MYO18A: variants seen among roughly 807,000 people sequenced by gnomAD.
MYO18A encodes unconventional myosin-XVIIIa.
A neutral mutation model predicts 235.8 loss-of-function variants in MYO18A; 78 were observed. The observed-to-expected ratio is 0.33, with a 90% CI of 0.28 to 0.40. The LOEUF (loss-of-function observed/expected upper bound fraction) is 0.40. Among genes scored for constraint, MYO18A ranks in the 10% least tolerant of loss-of-function variants. The pLI, the probability that MYO18A is intolerant of heterozygous loss-of-function variation, is 1.00. For synonymous variants in MYO18A, 977 were observed against 1,077.8 expected (o/e 0.91, Z 1.83); for missense variants, 2,215 against 2,699.3 (o/e 0.82, Z 3.98).
chr17:29,160,709 GC>G (rs1386727074), intron 2 of MYO18A, among the ~76,000 whole-genome samples: 1 of 152,164 alleles, frequency 6.6e-6, no homozygotes, highest in African/African-American at 2.4e-5. Context: ...ACCCACCTGA[GC>G]GTGGAGGTGG....
chr17:29,125,300 C>T lies in MYO18A; in HGVS notation c.1000-3047G>A, dbSNP rs956837052. Among the ~76,000 whole-genome samples, 12 of 152,182 alleles carry T rather than the reference C, an allele frequency of 7.9e-5. No individual in the cohort carries two copies. In the East Asian group the frequency reaches 1.3e-3, roughly 17 times the overall value. On this transcript the variant is annotated intron_variant, in intron 2 of 41. Coordinates refer to ENST00000527372, the MANE Select transcript of MYO18A (RefSeq NM_078471.4). This position sits in a 1 kb window ranked among gnomAD's most constrained non-coding sequence, Gnocchi z 5.1. ...CAGTCTAGAATCTCTTCCTCAACCC[C>T]GACGTACCCTATAGCACTCCCACCT... is the stretch of plus-strand genomic sequence containing the variant.
chr17:29,085,602 A>G lies in MYO18A; in HGVS notation c.5897+2T>C. ...AGAGAGCACATGCGCTCCAGTCCTCACAGTTTATTCTTTCTTTTCTGATAC... is the reference window on the plus strand; with the variant it reads ...AGAGAGCACATGCGCTCCAGTCCTCGCAGTTTATTCTTTCTTTTCTGATAC... On this transcript the variant is annotated splice_donor_variant, in intron 40 of 41. Coordinates refer to ENST00000527372, the MANE Select transcript of MYO18A (RefSeq NM_078471.4). LOFTEE classifies it high-confidence loss of function. 6.2e-7 allele frequency: 1 copy of G among 1,613,908 alleles called. No homozygotes were observed. Among genetic ancestry groups the G allele is most frequent in the South Asian group, 1.1e-5 (1 of 91,074 alleles).
chr17:29,093,531 G>T, intron 31 of MYO18A, 104 bp from the exon 32 acceptor site: 1 of 826,380 alleles, frequency 1.2e-6, no homozygotes, highest in Non-Finnish European at 2.0e-6. Context: ...AGTGGGGCAG[G>T]CCTGAGCACA....
intron 1 of MYO18A, among the ~76,000 whole-genome samples, chr17:29,176,997 C>T (rs1331974771): frequency 6.6e-6 from 1 of 152,222 alleles, no homozygotes; most frequent in Non-Finnish European, 1.5e-5. Context: ...TGCGGCCTCG[C>T]CAGGTTCCCT....
chr17:29,091,180 C>G (rs2066390420), intron 34 of MYO18A: 6 of 489,608 alleles, frequency 1.2e-5, no homozygotes, highest in Non-Finnish European at 2.2e-5. Flanking sequence ...CCTGGCAGCT[C>G]CTTTGAGGCT....
Position 29,094,681 on chromosome 17 carries a change from T to C in MYO18A, c.4679A>G (p.Glu1560Gly). The C allele has an allele frequency of 6.2e-7, 1 of 1,614,054 alleles. No individual in the cohort carries two copies. The highest frequency in any genetic ancestry group is 8.5e-7 in the Non-Finnish European group (1 of 1,179,900). The change falls in exon 30 of 42, where the codon GAG (glutamate) becomes GGG (glycine). Residue 1560 changes from glutamate (E) to glycine (G), a missense_variant. Coordinates refer to ENST00000527372, the MANE Select transcript of MYO18A (RefSeq NM_078471.4). ...KVKDQEEELDEQAGTIQMLEQ... is the reference protein window; with the variant it reads ...KVKDQEEELDGQAGTIQMLEQ... ...CAGCATCTGGATGGTCCCTGCCTGC[T>C]CATCCAGCTCTTCTTCCTGATCCTT...
rs1424683226 is a variant in MYO18A at position 29,166,837 on chromosome 17, C to A, written c.104G>T (p.Ser35Ile). ...KERMSAAELR[S>I]LEEMSLRRGF... ...ACGTCGCAGGCTCATCTCCTCCAGG[C>A]TCCGAAGCTCTGCCGCTGACATCCG... Residue 35 changes from serine to isoleucine, a missense_variant, in exon 2 of 42, where the codon AGC becomes ATC. By Grantham distance (142) the Ser-to-Ile change is moderately radical. Transcript: ENST00000527372. 6.3e-7 allele frequency: 1 copy of A among 1,583,450 alleles called. No homozygotes were observed. Among genetic ancestry groups the A allele is most frequent in the Admixed American group, 1.8e-5 (1 of 54,512 alleles).
chr17:29,103,681 C>CTG lies in MYO18A; in HGVS notation c.3442-19_3442-18dup. ...CTCCACTGCCTGTGGAGAGAGGCCT[C>CTG]TGTCAGGCAGCCCGCCTGGGCCTCC... On this transcript the variant is annotated splice_polypyrimidine_tract_variant and intron_variant, in intron 20 of 41. Coordinates refer to ENST00000527372, the MANE Select transcript of MYO18A (RefSeq NM_078471.4). 2 of 1,613,398 alleles carry CTG rather than the reference C, an allele frequency of 1.2e-6. No homozygotes were observed. Among genetic ancestry groups the CTG allele is most frequent in the Admixed American group, 1.7e-5 (1 of 60,030 alleles).
chr17:29,147,694 G>A (rs1412124593), intron 2 of MYO18A, among the ~76,000 whole-genome samples: 1 of 151,862 alleles, frequency 6.6e-6, no homozygotes, highest in Non-Finnish European at 1.5e-5. Context: ...TTCAGACCAG[G>A]AGTTCAAGAC....
At chr17:29,085,779 C>A in intron 39 of MYO18A, 131 bp from the exon 40 acceptor site, 2 of 878,708 alleles carry the variant, frequency 2.3e-6, no homozygotes, top group Non-Finnish European at 3.7e-6. Flanking sequence ...CTGGTTGAGA[C>A]CAGGTAGTGG....
chr17:29,122,474 C>T (rs1008208577), intron 2 of MYO18A, among the ~76,000 whole-genome samples: 12 of 152,194 alleles, frequency 7.9e-5, no homozygotes, highest in African/African-American at 2.7e-4. Context: ...GAGGACAGGA[C>T]ACAAAGGCTA....
At chr17:29,170,817 T>C (rs1158976744) in intron 1 of MYO18A, among the ~76,000 whole-genome samples, 3 of 152,192 alleles carry the variant, frequency 2.0e-5, no homozygotes, top group Non-Finnish European at 4.4e-5. Context: ...ACCTCAAATA[T>C]ACATCTATCT....
chr17:29,094,624 T>G (rs150916711), intron 30 of MYO18A, 26 bp downstream of exon 30: 655 of 1,613,038 alleles, frequency 4.1e-4, no homozygotes, highest in Non-Finnish European at 5.2e-4. Flanking sequence ...GCACCTCACC[T>G]CTCCCTTGGC....
chr17:29,118,017 C>T lies in MYO18A; in HGVS notation c.2038+28G>A. ...CTGTGAGGTCACCCAGGGGACAGGCCAGCCTACTGGGACCCACTGCAGGTT... is the reference window on the plus strand; with the variant it reads ...CTGTGAGGTCACCCAGGGGACAGGCTAGCCTACTGGGACCCACTGCAGGTT... On this transcript the variant is annotated intron_variant, in intron 10 of 41. Coordinates refer to ENST00000527372, the MANE Select transcript of MYO18A (RefSeq NM_078471.4). The surrounding 1 kb of genome is among the most constrained non-coding windows in gnomAD (Gnocchi z 4.2). 1 of 1,562,676 alleles carries T rather than the reference C, an allele frequency of 6.4e-7. No individual in the cohort carries two copies. Among genetic ancestry groups the T allele is most frequent in the South Asian group, 1.2e-5 (1 of 84,776 alleles).
chr17:29,107,247 A>C, intron 19 of MYO18A, 58 bp from the exon 20 acceptor site: 1 of 1,513,292 alleles, frequency 6.6e-7, no homozygotes, highest in Non-Finnish European at 9.2e-7. Context: ...AGCACACCCC[A>C]GTAGCCACTG....
rs549048829 is a variant in MYO18A at position 29,172,546 on chromosome 17, T to C, written c.-81-5525A>G. Among the ~76,000 whole-genome samples, 386 of 152,206 alleles carry C rather than the reference T, an allele frequency of 2.5e-3. 5 individuals carry two copies. Among genetic ancestry groups the C allele is most frequent in the Non-Finnish European group, 4.1e-3 (279 of 68,010 alleles). ...TCAGGCAAATCACTTAAGGCCTCCA[T>C]GCCTCCATTTCCCCATCTATAAAAA... On this transcript the variant is annotated intron_variant, in intron 1 of 41. Transcript: ENST00000527372.
Position 29,166,321 on chromosome 17 carries a change from A to G in MYO18A, c.620T>C (p.Leu207Pro). Reference sequence around the variant, plus strand: ...TGGGGGCAGGGGCACCACGGGGGGCAGGCGCAGGTCGACTGGGAACTTTTT... The same window carrying G: ...TGGGGGCAGGGGCACCACGGGGGGCGGGCGCAGGTCGACTGGGAACTTTTT... ...VTKKFPVDLRLPPVVPLPPPT... is the reference protein window; with the variant it reads ...VTKKFPVDLRPPPVVPLPPPT... The change falls in exon 2 of 42, where the codon CTG becomes CCG. Residue 207 changes from leucine to proline, a missense_variant. Leu to Pro is a moderately conservative substitution (Grantham distance 98). Transcript: ENST00000527372. The G allele has an allele frequency of 8.1e-6, 13 of 1,612,506 alleles. No individual in the cohort carries two copies. The highest frequency in any genetic ancestry group is 1.0e-5 in the Non-Finnish European group (12 of 1,179,858).
Position 29,158,394 on chromosome 17 carries a change from T to A in MYO18A, c.999+7548A>T, listed in dbSNP as rs374049272. Among the ~76,000 whole-genome samples the A allele has an allele frequency of 8.5e-5, 13 of 152,272 alleles. 1 individual carries two copies. Among genetic ancestry groups the A allele is most frequent in the African/African-American group, 2.9e-4 (12 of 41,542 alleles). On this transcript the variant is annotated intron_variant, in intron 2 of 41. Coordinates refer to ENST00000527372, the MANE Select transcript of MYO18A (RefSeq NM_078471.4). This position sits in a 1 kb window ranked among gnomAD's most constrained non-coding sequence, Gnocchi z 4.3. ...GAAAAAATAAGCTTTGCTAACACTG[T>A]CCCCTGTATTTAACAGAACAGAAGC...
chr17:29,156,304 C>G (rs1055498804), intron 2 of MYO18A, among the ~76,000 whole-genome samples: 3 of 152,216 alleles, frequency 2.0e-5, no homozygotes, highest in African/African-American at 7.2e-5. Context: ...TGCGTAGCCC[C>G]CATGTAATCC....
Sources: allele counts gnomAD v4.1 joint callset (sites outside exome capture counted in the v4.1 genomes callset), GRCh38; gene constraint gnomAD v4.1.1; non-coding constraint Gnocchi (gnomAD v3.1); transcripts MANE v1.5; gene names NCBI Gene and HGNC (gene_info 2026-07-23, HGNC 2026-07-21).